RDH10: variants seen among roughly 807,000 people sequenced by gnomAD.
The protein encoded by RDH10 is retinol dehydrogenase 10, also known as retinol dehydrogenase 10 (all-trans).
Under a neutral mutation model 30.2 loss-of-function variants are expected in RDH10, and 12 were observed. That is an observed-to-expected ratio of 0.40 (90% CI 0.25 to 0.64). RDH10 has a LOEUF of 0.64. Among genes scored for constraint, RDH10 ranks in the 30% least tolerant of loss-of-function variants. The pLI is 0.43. For synonymous variants in RDH10, 189 were observed against 172.2 expected, an observed-to-expected ratio of 1.10 and a Z score of -0.76; for missense variants, 268 against 445.2, an observed-to-expected ratio of 0.60 and a Z score of 3.58.
chr8:73,323,676 G>A lies in RDH10; in HGVS notation c.*640G>A, dbSNP rs1294310350. The A allele has an allele frequency of 1.7e-5, 2 of 119,050 alleles. No individual in the cohort carries two copies. The highest frequency in any genetic ancestry group is 3.4e-5 in the Non-Finnish European group (2 of 59,120). The allele number at this position is 119,050 out of a possible 1,614,324, so 7.4% of individuals were successfully genotyped here. On this transcript the variant is annotated 3_prime_UTR_variant, in exon 6 of 6. Coordinates refer to ENST00000240285, the MANE Select transcript of RDH10 (RefSeq NM_172037.5). ...GAATTTTTTTTTTTTTTTTTTTGAT[G>A]GAGTCTCGCTCTGTCACCAGGCTGG... is the stretch of plus-strand genomic sequence containing the variant.
intron 2 of RDH10, among the ~76,000 whole-genome samples, chr8:73,303,071 G>GTAATTAATAATTAGTTAATTAATTAATA (rs1471641547): frequency 2.1e-3 from 321 of 152,234 alleles, no homozygotes; most frequent in Non-Finnish European, 3.6e-3. Flanking sequence ...TTAATTAATA[G>GTAATTAATAATTAGTTAATTAATTAATA]ACCACTTAAC....
chr8:73,311,846 A>G (rs1351593896), intron 2 of RDH10: 3 of 152,238 alleles, frequency 2.0e-5, no homozygotes, highest in African/African-American at 7.2e-5. Flanking sequence ...TGTCTCTACA[A>G]ACATACCCAA....
chr8:73,316,086 G>A (rs746860027), intron 2 of RDH10, among the ~76,000 whole-genome samples: 1 of 152,122 alleles, frequency 6.6e-6, no homozygotes, highest in Non-Finnish European at 1.5e-5. Flanking sequence ...ACACAATCAC[G>A]GCTCACTGTA....
chr8:73,303,985 G>T (rs1455686912), intron 2 of RDH10, among the ~76,000 whole-genome samples: 1 of 152,118 alleles, frequency 6.6e-6, no homozygotes, highest in Non-Finnish European at 1.5e-5. Context: ...AATAACCAAT[G>T]TCATAATTTC....
chr8:73,311,033 C>T (rs1814554159), intron 2 of RDH10: 1 of 152,176 alleles, frequency 6.6e-6, no homozygotes, highest in South Asian at 2.1e-4. Context: ...GGCCACTGCA[C>T]TAATGGAGTT....
intron 3 of RDH10, among the ~76,000 whole-genome samples, chr8:73,320,723 C>T: frequency 6.6e-6 from 1 of 152,100 alleles, no homozygotes; most frequent in East Asian, 1.9e-4. Flanking sequence ...CCAGCCACCT[C>T]GGCCTCCCAA....
intron 4 of RDH10, chr8:73,321,590 A>G: frequency 1.1e-5 from 4 of 353,086 alleles, no homozygotes; most frequent in South Asian, 8.7e-5. Flanking sequence ...GAGAAGAACC[A>G]TTTAGATATA....
intron 2 of RDH10, chr8:73,300,374 C>T (rs1337276755): frequency 2.6e-5 from 4 of 152,310 alleles, no homozygotes; most frequent in Admixed American, 1.3e-4. Flanking sequence ...TCCTCTTATG[C>T]GAAGCGTTGG....
Position 73,325,218 on chromosome 8 carries a change from T to G in RDH10, c.*2182T>G, listed in dbSNP as rs1040330055. ...GTGTTATAACTTAAACCTATTTCTA[T>G]TTTTGTTTGTTATTGCCCTTATAAG... On this transcript the variant is annotated 3_prime_UTR_variant, in exon 6 of 6. Coordinates refer to ENST00000240285, the MANE Select transcript of RDH10 (RefSeq NM_172037.5). 6 of 152,242 alleles carry G rather than the reference T, an allele frequency of 3.9e-5. No individual in the cohort carries two copies. The allele number at this position is 152,242 out of a possible 1,614,324, so 9.4% of individuals were successfully genotyped here.
At chr8:73,315,145 CCT>C (rs1316289172) in intron 2 of RDH10, among the ~76,000 whole-genome samples, 6 of 131,804 alleles carry the variant, frequency 4.6e-5, no homozygotes, top group Non-Finnish European at 8.2e-5. Context: ...CCACCGGCCT[CCT>C]CTCTCTCTCT....
intron 2 of RDH10, among the ~76,000 whole-genome samples, chr8:73,318,139 G>T (rs1285816108): frequency 6.6e-6 from 1 of 150,836 alleles, no homozygotes; most frequent in Admixed American, 6.6e-5. Flanking sequence ...GCTCTTCGCT[G>T]CTTTCTTTTA....
rs1814823282 is a variant in RDH10 at position 73,324,134 on chromosome 8, G to T, written c.*1098G>T. Reference sequence around the variant, plus strand: ...CTAGAATACATAGCAGCTCTGCAAAGGAACAGTTTTTAAAAATGGGAACTT... The same window carrying T: ...CTAGAATACATAGCAGCTCTGCAAATGAACAGTTTTTAAAAATGGGAACTT... On this transcript the variant is annotated 3_prime_UTR_variant, in exon 6 of 6. Transcript: ENST00000240285. 1 of 152,584 alleles carries T rather than the reference G, an allele frequency of 6.6e-6. No homozygotes were observed. Among genetic ancestry groups the T allele is most frequent in the South Asian group, 2.1e-4 (1 of 4,832 alleles). 9.5% of individuals were successfully genotyped at this position (152,584 alleles called of 1,614,324 possible).
intron 2 of RDH10, chr8:73,297,997 A>G (rs1418838874): frequency 6.3e-6 from 1 of 158,588 alleles, no homozygotes; most frequent in Non-Finnish European, 1.4e-5. Context: ...TCACCCTAAT[A>G]GGACCCTAGA....
Position 73,323,298 on chromosome 8 carries a change from G to T in RDH10, c.*262G>T. 3.2e-6 allele frequency: 1 copy of T among 316,048 alleles called. No homozygotes were observed. Among genetic ancestry groups the T allele is most frequent in the Non-Finnish European group, 6.1e-6 (1 of 164,290 alleles). 19.6% of individuals were successfully genotyped at this position (316,048 alleles called of 1,614,324 possible). A position where few individuals can be genotyped will look rare whatever the true frequency, so the allele number is the denominator to read the frequency against. ...AGTCAAATCTGTAGAGAAGCAGTGT[G>T]ACATCTTCAGGTTACCATTATTTTT... On this transcript the variant is annotated 3_prime_UTR_variant, in exon 6 of 6. Transcript: ENST00000240285.
chr8:73,300,175 ATT>A (rs546258947), intron 2 of RDH10, among the ~76,000 whole-genome samples: 48 of 152,358 alleles, frequency 3.2e-4, no homozygotes, highest in African/African-American at 1.1e-3. Context: ...TATTTTCAAT[ATT>A]GAGTCAGAAA....
At chr8:73,295,637 A>G (rs1400251225) in intron 1 of RDH10, 59 bp downstream of exon 1, 16 of 1,409,992 alleles carry the variant, frequency 1.1e-5, no homozygotes, top group South Asian at 1.5e-5. Context: ...CCCGCGCCCT[A>G]CCACGGCAGG....
chr8:73,319,808 G>T (rs1814734004), intron 3 of RDH10, among the ~76,000 whole-genome samples: 1 of 152,200 alleles, frequency 6.6e-6, no homozygotes, highest in African/African-American at 2.4e-5. Context: ...AGATGAGGCG[G>T]TCAGGTATCC....
intron 2 of RDH10, among the ~76,000 whole-genome samples, chr8:73,302,922 A>G (rs970540984): frequency 6.6e-6 from 1 of 152,198 alleles, no homozygotes; most frequent in Non-Finnish European, 1.5e-5. Flanking sequence ...CTGATTAACC[A>G]AAAGGGGGAA....
rs2130349421 is a variant in RDH10 at position 73,294,861 on chromosome 8, T to G, written c.-429T>G. 2 of 389,192 alleles carry G rather than the reference T, an allele frequency of 5.1e-6. No individual in the cohort carries two copies. Among genetic ancestry groups the G allele is most frequent in the East Asian group, 3.6e-5 (1 of 27,474 alleles). 24.1% of individuals were successfully genotyped at this position (389,192 alleles called of 1,614,324 possible). A position where few individuals can be genotyped will look rare whatever the true frequency, so the allele number is the denominator to read the frequency against. The stretch of plus-strand genomic sequence containing the variant: ...GCCCGCTGGCCCGTGCCGCCTCCGC[T>G]GCGCACCCCTCCCCCGGGGTGAGAG... On this transcript the variant is annotated 5_prime_UTR_variant, in exon 1 of 6. Coordinates refer to ENST00000240285, the MANE Select transcript of RDH10 (RefSeq NM_172037.5).
Sources: allele counts gnomAD v4.1 joint callset (sites outside exome capture counted in the v4.1 genomes callset), GRCh38; gene constraint gnomAD v4.1.1; transcripts MANE v1.5; gene names NCBI Gene and HGNC (gene_info 2026-07-23, HGNC 2026-07-21).